RTF1: variants seen among roughly 807,000 people sequenced by gnomAD.
The protein encoded by RTF1 is RTF1 homolog, Paf1/RNA polymerase II complex component.
RTF1 carries 10 observed loss-of-function variants against 95.7 expected under a neutral mutation model. The ratio of observed to expected loss-of-function variants is 0.10; its 90% CI spans 0.06 to 0.18. The LOEUF is 0.18. Among genes scored for constraint, RTF1 ranks in the 10% least tolerant of loss-of-function variants. The probability of loss-of-function intolerance (pLI) is 1.00; values close to 1 mark genes in which losing one functional copy is unlikely to be tolerated. For synonymous variants in RTF1, 305 were observed against 311.8 expected, an observed-to-expected ratio of 0.98 and a Z score of 0.23; for missense variants, 458 against 875.6, an observed-to-expected ratio of 0.52 and a Z score of 6.02.
intron 1 of RTF1, among the ~76,000 whole-genome samples, chr15:41,431,369 C>A (rs1452146228): frequency 1.3e-5 from 2 of 151,888 alleles, no homozygotes; most frequent in Non-Finnish European, 1.5e-5. Flanking sequence ...CGCCTGCCAC[C>A]ACGCCCAGCT....
rs137930710 is a variant in RTF1 at position 41,457,808 on chromosome 15, G to A, written c.594G>A (p.Gln198=). ...GDEEDRARLE[Q]MTEKEREQEL... Reference sequence around the variant, plus strand: ...AGGAAGACAGGGCCCGTCTGGAACAGATGACAGAGAAAGAGAGAGAGCAAG... The same window carrying A: ...AGGAAGACAGGGCCCGTCTGGAACAAATGACAGAGAAAGAGAGAGAGCAAG... The change falls in exon 4 of 18, where the codon CAG becomes CAA. Residue 198 remains glutamine, a synonymous_variant. Coordinates refer to ENST00000389629, the MANE Select transcript of RTF1 (RefSeq NM_015138.5). The A allele has an allele frequency of 8.7e-5, 141 of 1,614,134 alleles. No homozygotes were observed. The African/African-American group carries it at 1.7e-3, about 19-fold the overall frequency.
chr15:41,433,494 C>T (rs1364333214), intron 1 of RTF1, among the ~76,000 whole-genome samples: 1 of 151,802 alleles, frequency 6.6e-6, no homozygotes, highest in Non-Finnish European at 1.5e-5. Context: ...GCCACCATGC[C>T]CAGCTGATTT....
At chr15:41,479,049 G>A (rs2050956741) in intron 15 of RTF1, 54 bp from the exon 16 acceptor site, 2 of 1,258,840 alleles carry the variant, frequency 1.6e-6, no homozygotes, top group Admixed American at 3.4e-5. Flanking sequence ...GAATCTGGCA[G>A]TAGGACTCTG....
chr15:41,437,176 G>T (rs904969134), intron 1 of RTF1, among the ~76,000 whole-genome samples: 1 of 151,930 alleles, frequency 6.6e-6, no homozygotes, highest in Non-Finnish European at 1.5e-5. Flanking sequence ...TTGTTGTGAA[G>T]ATTAAATATC....
rs2050716709 is a variant in RTF1, at chr15:41,438,548, A to T, written c.309+117A>T. 8.2e-6 allele frequency: 5 copies of T among 609,356 alleles called. No individual in the cohort carries two copies. The East Asian group carries it at 1.5e-4, about 18-fold the overall frequency. 37.7% of individuals were successfully genotyped at this position (609,356 alleles called of 1,614,324 possible). On this transcript the variant is annotated intron_variant, in intron 2 of 17. Transcript: ENST00000389629. ...GACTTACAGCCTAAGATCTACAAGAATTTATTGGGGAAAGAAAATGGTGTA... is the reference window on the plus strand; with the variant it reads ...GACTTACAGCCTAAGATCTACAAGATTTTATTGGGGAAAGAAAATGGTGTA...
intron 2 of RTF1, among the ~76,000 whole-genome samples, chr15:41,452,012 A>G (rs747772118): frequency 6.6e-5 from 10 of 152,142 alleles, no homozygotes; most frequent in Non-Finnish European, 1.5e-4. Flanking sequence ...AGCCTAGGCA[A>G]CATAGCAAGA....
At chr15:41,458,970 C>T (rs543674504) in intron 4 of RTF1, among the ~76,000 whole-genome samples, 1 of 151,780 alleles carries the variant, frequency 6.6e-6, no homozygotes, top group Non-Finnish European at 1.5e-5. Flanking sequence ...TATTCGGGAT[C>T]CTGAGGCAGG....
At chr15:41,466,808 T>C (rs2050882841) in intron 6 of RTF1, among the ~76,000 whole-genome samples, 1 of 152,240 alleles carries the variant, frequency 6.6e-6, no homozygotes, top group East Asian at 1.9e-4. Context: ...TGCAGCGTTA[T>C]TTGCTGAAGG....
At chr15:41,436,490 G>T (rs1409900849) in intron 1 of RTF1, among the ~76,000 whole-genome samples, 1 of 151,094 alleles carries the variant, frequency 6.6e-6, no homozygotes, top group Non-Finnish European at 1.5e-5. Context: ...CAGGCGTGGT[G>T]GTGGGTGCCT....
intron 2 of RTF1, among the ~76,000 whole-genome samples, chr15:41,442,029 A>G (rs1270523504): frequency 6.6e-6 from 1 of 152,164 alleles, no homozygotes; most frequent in African/African-American, 2.4e-5. Flanking sequence ...AAATTCTTCC[A>G]GCCACTGTGT....
At chr15:41,417,352 G>C in intron 1 of RTF1, 39 bp downstream of exon 1, 1 of 1,244,840 alleles carries the variant, frequency 8.0e-7, no homozygotes, top group Non-Finnish European at 1.0e-6. Context: ...GGCGGAGCCA[G>C]AGGGCTGTCG....
intron 2 of RTF1, 130 bp from the exon 3 acceptor site, chr15:41,452,771 T>G: frequency 1.4e-6 from 1 of 716,596 alleles, no homozygotes; most frequent in East Asian, 3.2e-5. Flanking sequence ...CTGTATTTTT[T>G]TTCATATGAA....
At chr15:41,440,937 T>C (rs1266589336) in intron 2 of RTF1, among the ~76,000 whole-genome samples, 1 of 151,866 alleles carries the variant, frequency 6.6e-6, no homozygotes, top group African/African-American at 2.4e-5. Flanking sequence ...CAGAAAAACC[T>C]TGAAATAATT....
At chr15:41,471,148 C>G (rs961598062) in intron 7 of RTF1, 24 bp from the exon 8 acceptor site, 4 of 1,560,270 alleles carry the variant, frequency 2.6e-6, no homozygotes, top group Non-Finnish European at 3.5e-6. Flanking sequence ...AACATTTTTT[C>G]CAGTGCCCCT....
chr15:41,436,529 C>A (rs1166845574), intron 1 of RTF1, among the ~76,000 whole-genome samples: 2 of 146,306 alleles, frequency 1.4e-5, no homozygotes, highest in African/African-American at 5.1e-5. Flanking sequence ...GAGGTTGAGG[C>A]AGTAGAATGG....
intron 2 of RTF1, chr15:41,448,657 T>A (rs1335517053): frequency 6.6e-6 from 1 of 152,004 alleles, no homozygotes; most frequent in Non-Finnish European, 1.5e-5. Context: ...AGGCGGAGGT[T>A]GCAGTGAGCC....
chr15:41,462,668 C>A (rs1426974178), intron 4 of RTF1, among the ~76,000 whole-genome samples: 1 of 152,126 alleles, frequency 6.6e-6, no homozygotes, highest in Non-Finnish European at 1.5e-5. Context: ...TTTGTCACTC[C>A]TGTATTTCCC....
intron 15 of RTF1, chr15:41,478,839 G>A (rs1202605359): frequency 1.6e-6 from 1 of 608,646 alleles, no homozygotes; most frequent in Non-Finnish European, 2.9e-6. Flanking sequence ...CCTAGTGACT[G>A]ATCCTCCTGT....
chr15:41,444,712 C>T (rs1234550405), intron 2 of RTF1, among the ~76,000 whole-genome samples: 1 of 152,178 alleles, frequency 6.6e-6, no homozygotes, highest in African/African-American at 2.4e-5. Context: ...CTGCTTTATA[C>T]AGCTTCCTTT....
Sources: gnomAD v4.1 joint callset for allele counts (sites outside exome capture counted in the v4.1 genomes callset) on GRCh38, gnomAD v4.1.1 for gene constraint, MANE v1.5 for transcripts, NCBI Gene and HGNC (gene_info 2026-07-23, HGNC 2026-07-21) for gene names.